The following PCDHA10 variants were observed in gnomAD, a reference collection of about 807,000 sequenced individuals.
PCDHA10 encodes the protein protocadherin alpha 10.
PCDHA10 carries 45 observed loss-of-function variants against 61.2 expected under a neutral mutation model. The observed-to-expected ratio is 0.74, with a 90% confidence interval of 0.58 to 0.94. The LOEUF (loss-of-function observed/expected upper bound fraction) is 0.94. PCDHA10 is among the 40% of genes least tolerant of loss of function. PCDHA10 has a pLI of 0.00. For synonymous variants in PCDHA10, 602 were observed against 548.8 expected, an observed-to-expected ratio of 1.10 and a Z score of -1.35; for missense variants, 1,278 against 1,236.2, an observed-to-expected ratio of 1.03 and a Z score of -0.51.
chr5:140,869,934 A>ATTTTTTTTC, intron 1 of PCDHA10: 1 of 1,612,052 alleles, frequency 6.2e-7, no homozygotes, highest in African/African-American at 1.3e-5. Context: ...ATGGAGAGGT[A>ATTTTTTTTC]ACATACTCCT....
chr5:140,995,388 A>G (rs1467282798), intron 3 of PCDHA10, among the ~76,000 whole-genome samples: 1 of 152,208 alleles, frequency 6.6e-6, no homozygotes. Flanking sequence ...GGCAGGATAA[A>G]GCGGGATGGC....
chr5:140,857,335 G>T lies in PCDHA10; in HGVS notation c.1287G>T (p.Gly429=). 1 of 1,598,584 alleles carries T rather than the reference G, an allele frequency of 6.3e-7. No homozygotes were observed. The highest frequency in any genetic ancestry group is 1.1e-5 in the South Asian group (1 of 90,520). ...AGCTGGTGGTGACCGCGCGGGACGG[G>T]GGCTCGCCTCCGCTGTGGGCCACGG... ...AYELVVTARD[G]GSPPLWATAS... The change falls in exon 1 of 4, where the codon GGG becomes GGT. Residue 429 remains glycine, a synonymous_variant. Coordinates refer to ENST00000307360, the MANE Select transcript of PCDHA10 (RefSeq NM_018901.4).
intron 1 of PCDHA10, chr5:140,866,524 A>G (rs1232306409): frequency 2.0e-5 from 3 of 152,186 alleles, no homozygotes; most frequent in Non-Finnish European, 2.9e-5. Context: ...AAGCCATGAT[A>G]GAGCAGAATT....
chr5:140,876,743 T>G, intron 1 of PCDHA10: 5 of 1,614,200 alleles, frequency 3.1e-6, no homozygotes, highest in Non-Finnish European at 4.2e-6. Flanking sequence ...TATGAGCTGG[T>G]GGTGACTGCG....
chr5:141,006,404 G>A (rs1001810745), intron 3 of PCDHA10, among the ~76,000 whole-genome samples: 2 of 151,938 alleles, frequency 1.3e-5, no homozygotes, highest in East Asian at 1.9e-4. Flanking sequence ...TAGTAGAGAC[G>A]CGGTTTCACT....
At chr5:140,887,029 T>C (rs1308343052) in intron 1 of PCDHA10, among the ~76,000 whole-genome samples, 1 of 152,140 alleles carries the variant, frequency 6.6e-6, no homozygotes, top group Non-Finnish European at 1.5e-5. Flanking sequence ...AAAAATTTCT[T>C]TAATATTTTT....
chr5:140,902,488 G>T (rs1357036471), intron 1 of PCDHA10, among the ~76,000 whole-genome samples: 2 of 152,096 alleles, frequency 1.3e-5, no homozygotes, highest in African/African-American at 4.8e-5. Context: ...TGCTCAGTAT[G>T]ATACTAGCTG....
rs549701659 is a variant in PCDHA10 at position 140,937,333 on chromosome 5, G to C, written c.2389-41616G>C. On this transcript the variant is annotated intron_variant, in intron 1 of 3. Transcript: ENST00000307360. ...ATTACAGGCGTGAGCCACCGCGCCCGGCTTCTTCCATTTATTTTATTATTT... is the reference window on the plus strand; with the variant it reads ...ATTACAGGCGTGAGCCACCGCGCCCCGCTTCTTCCATTTATTTTATTATTT... Among the ~76,000 whole-genome samples the C allele has an allele frequency of 2.8e-3, 423 of 151,952 alleles. 2 individuals carry two copies. Among genetic ancestry groups the C allele is most frequent in the Middle Eastern group, 0.014 (4 of 294 alleles).
In PCDHA10 at chr5:140,856,305, A is replaced by G. The variant is rs782323132; in HGVS notation, c.257A>G (p.Asn86Ser). The change falls in exon 1 of 4, where the codon AAT (asparagine) becomes AGT (serine). Residue 86 changes from asparagine (N) to serine (S), a missense_variant. Physicochemically the swap from Asn to Ser is conservative, Grantham distance 46. Coordinates refer to ENST00000307360, the MANE Select transcript of PCDHA10 (RefSeq NM_018901.4). ...CTGCAGAATGGCATTTTGTTTGTGAATTCTCGGATTGACCGCGAGGAGCTG... is the reference window on the plus strand; with the variant it reads ...CTGCAGAATGGCATTTTGTTTGTGAGTTCTCGGATTGACCGCGAGGAGCTG... ...VNLQNGILFV[N>S]SRIDREELCG... is the part of the protein sequence containing the mutation. 1.9e-6 allele frequency: 3 copies of G among 1,598,594 alleles called. No individual in the cohort carries two copies. Among genetic ancestry groups the G allele is most frequent in the Non-Finnish European group, 2.6e-6 (3 of 1,168,064 alleles).
At chr5:140,967,845 A>T in intron 1 of PCDHA10, 1 of 1,614,160 alleles carries the variant, frequency 6.2e-7, no homozygotes, top group Non-Finnish European at 8.5e-7. Context: ...GACGTGAATG[A>T]CAATGCCCCA....
chr5:140,916,475 C>T (rs2077583115), intron 1 of PCDHA10, among the ~76,000 whole-genome samples: 1 of 152,206 alleles, frequency 6.6e-6, no homozygotes, highest in South Asian at 2.1e-4. Flanking sequence ...TTATTTGGTG[C>T]CCAAGGGCTC....
intron 1 of PCDHA10, chr5:140,860,225 A>ATATATATATGT (rs2046281831): frequency 6.6e-6 from 1 of 151,528 alleles, no homozygotes; most frequent in Non-Finnish European, 1.5e-5. Context: ...ATGTATATAT[A>ATATATATATGT]AGCCAGGCAT....
chr5:140,884,295 C>T, intron 1 of PCDHA10: 3 of 1,613,680 alleles, frequency 1.9e-6, no homozygotes, highest in South Asian at 2.2e-5. Context: ...GGCCAAGCGC[C>T]ACAGGCTTCG....
intron 1 of PCDHA10, among the ~76,000 whole-genome samples, chr5:140,897,305 G>T (rs952231570): frequency 6.6e-6 from 1 of 150,594 alleles, no homozygotes; most frequent in Non-Finnish European, 1.5e-5. Context: ...TTAGCATTAG[G>T]TATATCTCCT....
At position 140,855,994 on chromosome 5, in the gene PCDHA10, G is replaced by A. The variant is rs941733432; in HGVS notation, c.-55G>A. On this transcript the variant is annotated 5_prime_UTR_variant, in exon 1 of 4. Transcript: ENST00000307360. ...GAAATAGGACAGAAAATGTCAGATC[G>A]TATGTGCGTTCTAGACCGCTGATTC... 6.7e-7 allele frequency: 1 copy of A among 1,498,182 alleles called. No individual in the cohort carries two copies. The highest frequency in any genetic ancestry group is 9.0e-7 in the Non-Finnish European group (1 of 1,111,030). The allele number at this position is 1,498,182 out of a possible 1,614,324, so 92.8% of individuals were successfully genotyped here.
Position 140,973,027 on chromosome 5 carries a change from T to C in PCDHA10, c.2389-5922T>C, listed in dbSNP as rs373487044. On this transcript the variant is annotated intron_variant, in intron 1 of 3. Coordinates refer to ENST00000307360, the MANE Select transcript of PCDHA10 (RefSeq NM_018901.4). ...TCGTGGTGTTGTGATTGTTAATGAG[T>C]CACTTTGAGTACTCTAGTAGATTTG... Among the ~76,000 whole-genome samples the C allele has an allele frequency of 2.6e-5, 4 of 152,042 alleles. No individual in the cohort carries two copies. The East Asian group carries it at 5.8e-4, about 22-fold the overall frequency.
chr5:140,981,502 A>G (rs2096935392), intron 2 of PCDHA10, among the ~76,000 whole-genome samples: 2 of 152,218 alleles, frequency 1.3e-5, no homozygotes, highest in Non-Finnish European at 2.9e-5. Flanking sequence ...TGAACCTGGG[A>G]GGCAGAGGTT....
At chr5:140,889,240 T>C (rs782266675) in intron 1 of PCDHA10, among the ~76,000 whole-genome samples, 4 of 151,692 alleles carry the variant, frequency 2.6e-5, no homozygotes, top group Non-Finnish European at 4.4e-5. Context: ...TTCCAGAAAA[T>C]TTTCTGTTTC....
rs578208339 is a variant in PCDHA10 at position 141,001,194 on chromosome 5, C to G, written c.2537-8433C>G. Among the ~76,000 whole-genome samples the G allele has an allele frequency of 1.1e-4, 17 of 152,218 alleles. 1 individual carries two copies. In the South Asian group the frequency reaches 3.3e-3, roughly 30 times the overall value. On this transcript the variant is annotated intron_variant, in intron 3 of 3. Coordinates refer to ENST00000307360, the MANE Select transcript of PCDHA10 (RefSeq NM_018901.4). ...ACGAGTTTTTACTTTGCACCATGCA[C>G]TTATGCTATGTGCTGTATAAGGATA...
Sources: gnomAD v4.1 joint callset for allele counts (sites outside exome capture counted in the v4.1 genomes callset) on GRCh38, gnomAD v4.1.1 for gene constraint, MANE v1.5 for transcripts, NCBI Gene and HGNC (gene_info 2026-07-23, HGNC 2026-07-21) for gene names.